The following FERMT2 variants were observed in gnomAD, a reference collection of about 807,000 sequenced individuals.
FERMT2 encodes fermitin family homolog 2.
In FERMT2, 15 loss-of-function variants were observed where a neutral mutation model predicts 82.7. The ratio of observed to expected loss-of-function variants is 0.18; its 90% confidence interval spans 0.12 to 0.28. The LOEUF (loss-of-function observed/expected upper bound fraction) is 0.28, where lower values mean the gene tolerates loss of function less well. FERMT2 is among the 10% of genes least tolerant of loss of function. The pLI is 1.00. For missense variants in FERMT2, 645 were observed against 809.4 expected (o/e 0.80, Z 2.46); for synonymous variants, 274 against 271.5 (o/e 1.01, Z -0.09).
At chr14:52,913,880 G>T (rs1296329369) in intron 3 of FERMT2, among the ~76,000 whole-genome samples, 1 of 152,098 alleles carries the variant, frequency 6.6e-6, no homozygotes, top group Admixed American at 6.5e-5. Context: ...GAGATTTGAT[G>T]ACAGGATGCC....
At chr14:52,925,589 G>C (rs1041081741) in intron 2 of FERMT2, among the ~76,000 whole-genome samples, 2 of 149,066 alleles carry the variant, frequency 1.3e-5, no homozygotes, top group African/African-American at 5.0e-5. Context: ...GCACTTAACT[G>C]CACAAATTGT....
At chr14:52,889,999 T>G (rs1418242033) in intron 4 of FERMT2, among the ~76,000 whole-genome samples, 1 of 150,924 alleles carries the variant, frequency 6.6e-6, no homozygotes, top group Non-Finnish European at 1.5e-5. Context: ...TATGGTGGTG[T>G]GCGCCTATAG....
At chr14:52,877,792 T>C (rs888207173) in intron 7 of FERMT2, among the ~76,000 whole-genome samples, 34 of 152,096 alleles carry the variant, frequency 2.2e-4, no homozygotes, top group African/African-American at 7.7e-4. Flanking sequence ...ACTTCTGTTA[T>C]TTATAGAACA....
intron 2 of FERMT2, among the ~76,000 whole-genome samples, chr14:52,932,533 C>A (rs1186119920): frequency 6.6e-6 from 1 of 152,078 alleles, no homozygotes; most frequent in Non-Finnish European, 1.5e-5. Flanking sequence ...AATGCATATA[C>A]TAATATGCAA....
intron 2 of FERMT2, among the ~76,000 whole-genome samples, chr14:52,947,080 T>A (rs185859421): frequency 6.6e-6 from 1 of 152,354 alleles, no homozygotes; most frequent in East Asian, 1.9e-4. Context: ...TGCAAAAACT[T>A]TGTCACATTA....
intron 4 of FERMT2, among the ~76,000 whole-genome samples, chr14:52,883,786 G>T (rs1363421838): frequency 6.6e-6 from 1 of 152,062 alleles, no homozygotes; most frequent in Non-Finnish European, 1.5e-5. Context: ...TCCCCGCTTG[G>T]TACTGTATAG....
At chr14:52,916,300 C>T (rs778809769) in intron 3 of FERMT2, among the ~76,000 whole-genome samples, 3 of 150,504 alleles carry the variant, frequency 2.0e-5, no homozygotes, top group African/African-American at 4.9e-5. Flanking sequence ...GCCAAAATCA[C>T]GCCATTGCAT....
intron 2 of FERMT2, among the ~76,000 whole-genome samples, chr14:52,942,280 AC>A (rs1277559411): frequency 6.7e-6 from 1 of 150,166 alleles, no homozygotes; most frequent in African/African-American, 2.4e-5. Flanking sequence ...TCTCACCAAA[AC>A]CTGTGAGAAA....
At chr14:52,904,051 A>G (rs1254271434) in intron 3 of FERMT2, among the ~76,000 whole-genome samples, 2 of 152,242 alleles carry the variant, frequency 1.3e-5, no homozygotes, top group South Asian at 4.1e-4. Context: ...TAAAAAAGAT[A>G]TATGACACTT....
chr14:52,920,259 TC>T (rs1888880512), intron 2 of FERMT2, among the ~76,000 whole-genome samples: 1 of 152,134 alleles, frequency 6.6e-6, no homozygotes, highest in Non-Finnish European at 1.5e-5. Context: ...ACTGCTGGGA[TC>T]AACTGTATGT....
intron 3 of FERMT2, among the ~76,000 whole-genome samples, chr14:52,915,547 A>C (rs1327659527): frequency 2.0e-5 from 3 of 152,224 alleles, no homozygotes; most frequent in African/African-American, 7.2e-5. Context: ...TTCAATAAAC[A>C]GTGTTGGCTA....
At chr14:52,922,122 AAAGTG>A (rs1172230823) in intron 2 of FERMT2, among the ~76,000 whole-genome samples, 1 of 152,188 alleles carries the variant, frequency 6.6e-6, no homozygotes, top group Admixed American at 6.5e-5. Context: ...GGGATCAGTG[AAAGTG>A]AGATGGGGAG....
intron 10 of FERMT2, among the ~76,000 whole-genome samples, chr14:52,868,452 A>G (rs17125828): frequency 0.024 from 3,699 of 152,104 alleles, 147 homozygotes; most frequent in African/African-American, 0.085. Context: ...TATTACCCCA[A>G]TTGTAATTTT....
chr14:52,934,044 T>G (rs1007874337), intron 2 of FERMT2, among the ~76,000 whole-genome samples: 2 of 152,212 alleles, frequency 1.3e-5, no homozygotes, highest in African/African-American at 4.8e-5. Context: ...CTTAGCACTT[T>G]GAATGATATA....
intron 2 of FERMT2, chr14:52,927,984 CT>C (rs201651870): frequency 8.1e-6 from 3 of 370,968 alleles, no homozygotes; most frequent in East Asian, 7.4e-5. Context: ...TGAAGTAATT[CT>C]TTTTTAAAAA....
chr14:52,942,254 T>C (rs1460015050), intron 2 of FERMT2, among the ~76,000 whole-genome samples: 1 of 151,920 alleles, frequency 6.6e-6, no homozygotes, highest in Non-Finnish European at 1.5e-5. Context: ...AATATATATG[T>C]ATTATCTCAT....
intron 10 of FERMT2, chr14:52,871,764 AGCAGGCCTGCC>A (rs1317129702): frequency 6.6e-6 from 1 of 152,488 alleles, no homozygotes; most frequent in Admixed American, 6.5e-5. Context: ...GGCTGTAGGA[AGCAGGCCTGCC>A]ACAAACGCCC....
At chr14:52,874,297 A>G in intron 8 of FERMT2, 71 bp from the exon 9 acceptor site, 1 of 864,250 alleles carries the variant, frequency 1.2e-6, no homozygotes, top group South Asian at 1.9e-5. Context: ...GGTATCTGAT[A>G]TCAAGAACTA....
chr14:52,913,928 T>A (rs1888469353), intron 3 of FERMT2, among the ~76,000 whole-genome samples: 1 of 152,032 alleles, frequency 6.6e-6, no homozygotes, highest in South Asian at 2.1e-4. Flanking sequence ...TATAAGGAGC[T>A]CCAGATTCTT....
Sources: gnomAD v4.1 joint callset for allele counts (sites outside exome capture counted in the v4.1 genomes callset) on GRCh38, gnomAD v4.1.1 for gene constraint, MANE v1.5 for transcripts, NCBI Gene and HGNC (gene_info 2026-07-23, HGNC 2026-07-21) for gene names.